Variants in SPHKAP observed in about 807,000 individuals in gnomAD.
The protein encoded by SPHKAP is A-kinase anchor protein SPHKAP.
In SPHKAP, 67 loss-of-function variants were observed where a neutral mutation model predicts 137.5. The observed-to-expected ratio is 0.49, with a 90% confidence interval of 0.40 to 0.60. SPHKAP has a LOEUF of 0.60. Among genes scored for constraint, SPHKAP ranks in the 20% least tolerant of loss-of-function variants. The pLI is 0.00. For missense variants in SPHKAP, 2,097 were observed against 2,069.3 expected (o/e 1.01, Z -0.26); for synonymous variants, 813 against 785.3 (o/e 1.04, Z -0.59).
intron 7 of SPHKAP, among the ~76,000 whole-genome samples, chr2:228,011,156 G>C (rs1032523258): frequency 8.6e-5 from 13 of 151,906 alleles, no homozygotes; most frequent in Non-Finnish European, 5.9e-5. Context: ...AATGCATTAG[G>C]GTAAGCTGTG....
chr2:228,112,042 G>A (rs1005204723), intron 2 of SPHKAP, among the ~76,000 whole-genome samples: 2 of 152,082 alleles, frequency 1.3e-5, no homozygotes, highest in Non-Finnish European at 2.9e-5. Context: ...TACTTGGCAA[G>A]TATTATCAGT....
At chr2:228,009,132 G>T (rs1429040308) in intron 7 of SPHKAP, among the ~76,000 whole-genome samples, 1 of 152,152 alleles carries the variant, frequency 6.6e-6, no homozygotes, top group East Asian at 1.9e-4. Flanking sequence ...AGGAATTTTT[G>T]CTGGATAAAG....
chr2:228,032,197 G>A (rs974504281), intron 3 of SPHKAP, among the ~76,000 whole-genome samples: 12 of 152,190 alleles, frequency 7.9e-5, no homozygotes, highest in Admixed American at 6.5e-5. Context: ...AGGAGCTGAT[G>A]GAGCTGAAAG....
intron 11 of SPHKAP, among the ~76,000 whole-genome samples, chr2:227,983,924 G>T (rs191290042): frequency 7.2e-4 from 108 of 149,720 alleles, no homozygotes; most frequent in Non-Finnish European, 1.2e-3. Flanking sequence ...TATACGTTGT[G>T]GGGGTGAGAT....
chr2:227,991,694 T>C lies in SPHKAP; in HGVS notation c.4722-368A>G, dbSNP rs1020797965. On this transcript the variant is annotated intron_variant, in intron 9 of 11. Transcript: ENST00000392056. Reference sequence around the variant, plus strand: ...TAACTAGTTCTGATTTGGAGATTTATTCTTTTGCATTTTACTTTCATCTTA... The same window carrying C: ...TAACTAGTTCTGATTTGGAGATTTACTCTTTTGCATTTTACTTTCATCTTA... 16 of 984,144 alleles carry C rather than the reference T, an allele frequency of 1.6e-5. No individual in the cohort carries two copies. The South Asian group carries it at 4.2e-4, about 26-fold the overall frequency. 61.0% of individuals were successfully genotyped at this position (984,144 alleles called of 1,614,324 possible).
chr2:228,112,764 G>A (rs1698558176), intron 2 of SPHKAP, among the ~76,000 whole-genome samples: 1 of 152,064 alleles, frequency 6.6e-6, no homozygotes, highest in African/African-American at 2.4e-5. Flanking sequence ...TTAATCTGCC[G>A]AGTCCTCAGC....
At chr2:228,030,883 A>G (rs1224077502) in intron 3 of SPHKAP, among the ~76,000 whole-genome samples, 1 of 152,136 alleles carries the variant, frequency 6.6e-6, no homozygotes, top group Non-Finnish European at 1.5e-5. Flanking sequence ...TTTTATTGAA[A>G]ATATGTTTTA....
At chr2:228,170,018 G>A (rs1355742172) in intron 1 of SPHKAP, among the ~76,000 whole-genome samples, 1 of 151,906 alleles carries the variant, frequency 6.6e-6, no homozygotes, top group Admixed American at 6.6e-5. Context: ...ATGAGAGTCT[G>A]GAAGATGTTG....
At chr2:228,092,462 ATGTG>A (rs1264027168) in intron 3 of SPHKAP, among the ~76,000 whole-genome samples, 44 of 49,180 alleles carry the variant, frequency 8.9e-4, no homozygotes, top group Non-Finnish European at 1.4e-3. Context: ...GTATACATAT[ATGTG>A]CCATATATAT....
chr2:228,147,867 C>G (rs924992773), intron 1 of SPHKAP, among the ~76,000 whole-genome samples: 10 of 152,160 alleles, frequency 6.6e-5, no homozygotes, highest in Admixed American at 1.3e-4. Flanking sequence ...GACTGAGACT[C>G]AGGCTTAGCA....
At chr2:228,089,948 C>G (rs1015090884) in intron 3 of SPHKAP, among the ~76,000 whole-genome samples, 2 of 152,336 alleles carry the variant, frequency 1.3e-5, no homozygotes, top group South Asian at 4.1e-4. Context: ...CCCAGAGAAA[C>G]TCTACTTGTG....
intron 8 of SPHKAP, chr2:227,993,974 G>T: frequency 4.7e-6 from 4 of 854,542 alleles, no homozygotes; most frequent in Non-Finnish European, 4.2e-6. Context: ...TTATCTATCG[G>T]CAAGAGATTT....
intron 3 of SPHKAP, among the ~76,000 whole-genome samples, chr2:228,058,223 C>T (rs912336848): frequency 2.0e-5 from 3 of 152,208 alleles, no homozygotes; most frequent in Non-Finnish European, 4.4e-5. Flanking sequence ...CCCAGCCTGT[C>T]AAGCTTCCAT....
intron 3 of SPHKAP, 117 bp from the exon 4 acceptor site, chr2:228,027,660 A>C: frequency 2.0e-6 from 2 of 1,017,098 alleles, no homozygotes; most frequent in Non-Finnish European, 2.9e-6. Flanking sequence ...CATCTTAGAC[A>C]GTTTGGCATA....
At chr2:228,045,700 TAACA>T (rs890439166) in intron 3 of SPHKAP, among the ~76,000 whole-genome samples, 3 of 151,666 alleles carry the variant, frequency 2.0e-5, no homozygotes, top group Non-Finnish European at 2.9e-5. Flanking sequence ...TATACATATG[TAACA>T]AACCTGCACA....
At chr2:228,005,042 T>A (rs774089553) in intron 7 of SPHKAP, among the ~76,000 whole-genome samples, 3 of 152,212 alleles carry the variant, frequency 2.0e-5, no homozygotes, top group African/African-American at 4.8e-5. Flanking sequence ...TGATTTGGGG[T>A]GGAGAGTTCT....
chr2:228,095,811 T>G (rs1301756465), intron 3 of SPHKAP, among the ~76,000 whole-genome samples: 1 of 152,152 alleles, frequency 6.6e-6, no homozygotes, highest in Non-Finnish European at 1.5e-5. Context: ...AAGAGTGTAG[T>G]GGTGAATAGC....
At chr2:228,154,145 A>G (rs1700022108) in intron 1 of SPHKAP, among the ~76,000 whole-genome samples, 2 of 152,164 alleles carry the variant, frequency 1.3e-5, no homozygotes, top group African/African-American at 4.8e-5. Context: ...AATTCACTCA[A>G]CCAAAAGTAA....
At position 228,020,121 on chromosome 2, in the gene SPHKAP, C is replaced by T; in HGVS notation, c.733G>A (p.Glu245Lys). Residue 245 changes from glutamate (E) to lysine (K), a missense_variant, in exon 7 of 12, where the codon GAA becomes AAA. Physicochemically the swap from Glu to Lys is moderately conservative, Grantham distance 56 (BLOSUM62 1). Transcript: ENST00000392056. ...ENINVSANVL[E>K]SKQLKGATQV... ...GTGGCTCCCTTTAGCTGTTTACTTT[C>T]CAAAACATTGGCTGAGACATTTATA... The T allele has an allele frequency of 6.2e-7, 1 of 1,609,766 alleles. No homozygotes were observed. Among genetic ancestry groups the T allele is most frequent in the Non-Finnish European group, 8.5e-7 (1 of 1,178,870 alleles).
Sources: allele counts gnomAD v4.1 joint callset (sites outside exome capture counted in the v4.1 genomes callset), GRCh38; gene constraint gnomAD v4.1.1; transcripts MANE v1.5; gene names NCBI Gene and HGNC (gene_info 2026-07-23, HGNC 2026-07-21).